VCAN: variants seen among roughly 807,000 people sequenced by gnomAD.
The protein encoded by VCAN is versican.
In VCAN, 44 loss-of-function variants were observed where a neutral mutation model predicts 245.5. The observed-to-expected ratio is 0.18, with a 90% CI of 0.14 to 0.23. The LOEUF (loss-of-function observed/expected upper bound fraction) is 0.23. VCAN is among the 10% of genes least tolerant of loss of function. The pLI is 1.00. For missense variants in VCAN, 3,793 were observed against 4,057.9 expected, an observed-to-expected ratio of 0.93 and a Z score of 1.77; for synonymous variants, 1,413 against 1,437.0, an observed-to-expected ratio of 0.98 and a Z score of 0.38.
Position 83,548,166 on chromosome 5 carries a change from G to T in VCAN, c.9493+82G>T. The T allele has an allele frequency of 3.0e-6, 3 of 1,010,210 alleles. 1 individual carries two copies. In the Admixed American group the frequency reaches 5.3e-5, roughly 18 times the overall value. 62.6% of individuals were successfully genotyped at this position (1,010,210 alleles called of 1,614,324 possible). On this transcript the variant is annotated intron_variant, in intron 10 of 14. Coordinates refer to ENST00000265077, the MANE Select transcript of VCAN (RefSeq NM_004385.5). ...TTGGCCTCAATGCATAATCTTTCCT[G>T]CAGTGGAAATTCACATTTCCTTAGG...
chr5:83,506,951 G>T (rs763874367), intron 5 of VCAN, among the ~76,000 whole-genome samples: 29 of 152,268 alleles, frequency 1.9e-4, no homozygotes, highest in African/African-American at 6.7e-4. Flanking sequence ...GCACGGGGAA[G>T]ACTGGCCCCC....
intron 8 of VCAN, among the ~76,000 whole-genome samples, chr5:83,542,640 C>T (rs1161734498): frequency 6.6e-6 from 1 of 152,096 alleles, no homozygotes; most frequent in Non-Finnish European, 1.5e-5. Context: ...AAAAAAAGTC[C>T]TATTTTTAAA....
chr5:83,542,317 C>G, intron 8 of VCAN, 49 bp downstream of exon 8: 1 of 1,568,586 alleles, frequency 6.4e-7, no homozygotes, highest in South Asian at 1.1e-5. Context: ...GAAACAGTCC[C>G]TTGGTGCTAA....
At chr5:83,503,195 C>G (rs1259532740) in intron 5 of VCAN, among the ~76,000 whole-genome samples, 1 of 150,944 alleles carries the variant, frequency 6.6e-6, no homozygotes, top group Non-Finnish European at 1.5e-5. Flanking sequence ...TATATCCATA[C>G]AGAAAAACAA....
At chr5:83,551,186 G>A (rs1304131906) in intron 10 of VCAN, among the ~76,000 whole-genome samples, 1 of 151,948 alleles carries the variant, frequency 6.6e-6, no homozygotes, top group African/African-American at 2.4e-5. Flanking sequence ...TCTTGTTTAG[G>A]AGGAAAAATA....
chr5:83,509,428 T>G (rs998692784), intron 5 of VCAN, among the ~76,000 whole-genome samples: 1 of 152,212 alleles, frequency 6.6e-6, no homozygotes, highest in Non-Finnish European at 1.5e-5. Flanking sequence ...CATGAAATCA[T>G]GCTGCCATTT....
At chr5:83,548,221 C>A in intron 10 of VCAN, 137 bp downstream of exon 10, 1 of 734,030 alleles carries the variant, frequency 1.4e-6, no homozygotes, top group Non-Finnish European at 2.4e-6. Flanking sequence ...CTCAAAACAT[C>A]TGAATCATAG....
chr5:83,544,705 C>G (rs1378906250), intron 8 of VCAN, among the ~76,000 whole-genome samples: 1 of 152,034 alleles, frequency 6.6e-6, no homozygotes, highest in East Asian at 1.9e-4. Flanking sequence ...TACACTTATC[C>G]AAGCAATATT....
At chr5:83,522,525 A>G (rs1478260488) in intron 7 of VCAN, among the ~76,000 whole-genome samples, 1 of 152,224 alleles carries the variant, frequency 6.6e-6, no homozygotes, top group Admixed American at 6.5e-5. Flanking sequence ...GTTAAAAGTC[A>G]TAAGAAGCCC....
At chr5:83,523,906 C>CA (rs1451995923) in intron 7 of VCAN, among the ~76,000 whole-genome samples, 4 of 151,572 alleles carry the variant, frequency 2.6e-5, no homozygotes, top group African/African-American at 7.3e-5. Flanking sequence ...GAAAGAAAAA[C>CA]AAAAAAGAGG....
At chr5:83,473,741 C>T (rs914127628) in intron 1 of VCAN, among the ~76,000 whole-genome samples, 1 of 152,154 alleles carries the variant, frequency 6.6e-6, no homozygotes, top group Non-Finnish European at 1.5e-5. Flanking sequence ...ATGGAGAAGT[C>T]CCGCACAGGC....
intron 7 of VCAN, among the ~76,000 whole-genome samples, chr5:83,530,956 G>C (rs549228306): frequency 3.3e-5 from 5 of 152,056 alleles, no homozygotes; most frequent in African/African-American, 1.2e-4. Flanking sequence ...TAGACTTTTT[G>C]AGTGTGAATC....
Position 83,541,565 on chromosome 5 carries a change from C to G in VCAN, c.8562C>G (p.Val2854=). The G allele has an allele frequency of 6.2e-7, 1 of 1,613,862 alleles. No homozygotes were observed. The highest frequency in any genetic ancestry group is 8.5e-7 in the Non-Finnish European group (1 of 1,179,998). The stretch of plus-strand genomic sequence containing the variant: ...CCAGTGCTCTGCCAGGAATAGACGT[C>G]GGCTCATCTGTAATGTCCCCACAGG... ...PQPSALPGID[V]GSSVMSPQDS... is the part of the protein sequence containing the mutation. Residue 2854 remains valine (V), a synonymous_variant, in exon 8 of 15, where the codon GTC becomes GTG. Transcript: ENST00000265077.
rs926425554 is a variant in VCAN, at chr5:83,520,559, A to G, written c.2253A>G (p.Thr751=). The G allele has an allele frequency of 1.2e-6, 2 of 1,613,938 alleles. No individual in the cohort carries two copies. Among genetic ancestry groups the G allele is most frequent in the South Asian group, 1.1e-5 (1 of 91,090 alleles). ...VEMTKSFDFP[T]LITKLSAEPT... ...TGACCAAGTCTTTTGATTTCCCAACATTGATAACAAAGTTAAGTGCAGAGC... is the reference window on the plus strand; with the variant it reads ...TGACCAAGTCTTTTGATTTCCCAACGTTGATAACAAAGTTAAGTGCAGAGC... Residue 751 remains threonine, a synonymous_variant, in exon 7 of 15, where the codon ACA becomes ACG. Transcript: ENST00000265077.
At chr5:83,553,104 A>G (rs769163315) in intron 10 of VCAN, among the ~76,000 whole-genome samples, 2 of 152,196 alleles carry the variant, frequency 1.3e-5, no homozygotes, top group Non-Finnish European at 2.9e-5. Flanking sequence ...CCCCTCTTCC[A>G]GTTTTCTCTG....
At chr5:83,546,220 T>G (rs1287843919) in intron 9 of VCAN, among the ~76,000 whole-genome samples, 1 of 150,200 alleles carries the variant, frequency 6.7e-6, no homozygotes, top group Non-Finnish European at 1.5e-5. Context: ...CATATTCTTA[T>G]TTAGGCATCC....
chr5:83,538,026 A>G lies in VCAN; in HGVS notation c.5023A>G (p.Arg1675Gly). The change falls in exon 8 of 15, where the codon AGG becomes GGG. Residue 1675 changes from arginine (R) to glycine (G), a missense_variant. This residue lies in a region of VCAN where 3,182 missense variants were observed against 3,250.3 expected (regional missense o/e 0.98). Coordinates refer to ENST00000265077, the MANE Select transcript of VCAN (RefSeq NM_004385.5). Reference protein sequence around the residue: ...TDTLITLDTSRIITESFFEVP... With the variant: ...TDTLITLDTSGIITESFFEVP... ...TACACTCATTACTTTAGACACTAGC[A>G]GGATAATCACAGAAAGCTTTTTTGA... is the stretch of plus-strand genomic sequence containing the variant. 1 of 1,614,060 alleles carries G rather than the reference A, an allele frequency of 6.2e-7. No individual in the cohort carries two copies. The highest frequency in any genetic ancestry group is 8.5e-7 in the Non-Finnish European group (1 of 1,179,966).
Position 83,538,960 on chromosome 5 carries a change from C to T in VCAN, c.5957C>T (p.Ser1986Leu), listed in dbSNP as rs996427481. ...TSVHISHISD[S>L]EGPSSTMVST... ...GTTCACATCAGTCACATATCTGACT[C>T]AGAAGGACCCAGTAGCACCATGGTC... Residue 1986 changes from serine (S) to leucine (L), a missense_variant, in exon 8 of 15, where the codon TCA (serine) becomes TTA (leucine). Coordinates refer to ENST00000265077, the MANE Select transcript of VCAN (RefSeq NM_004385.5). The T allele has an allele frequency of 1.2e-6, 2 of 1,614,006 alleles. No homozygotes were observed. Among genetic ancestry groups the T allele is most frequent in the African/African-American group, 1.3e-5 (1 of 75,010 alleles).
intron 7 of VCAN, among the ~76,000 whole-genome samples, chr5:83,525,408 A>T (rs310505): frequency 0.025 from 3,854 of 152,166 alleles, 182 homozygotes; most frequent in East Asian, 0.19. Context: ...GATTTTTTTT[A>T]AAAGAGCACT....
Sources: gnomAD v4.1 joint callset for allele counts (sites outside exome capture counted in the v4.1 genomes callset) on GRCh38, gnomAD v4.1.1 for gene constraint, gnomAD v4.1.1 regional missense constraint, MANE v1.5 for transcripts, NCBI Gene and HGNC (gene_info 2026-07-23, HGNC 2026-07-21) for gene names.